Variants in ZMYND8 observed in about 807,000 individuals in gnomAD.
ZMYND8 encodes the protein zinc finger MYND-type containing 8, also known as MYND-type zinc finger-containing chromatin reader ZMYND8.
Under a neutral mutation model 140.8 loss-of-function variants are expected in ZMYND8, and 37 were observed. That is an observed-to-expected ratio of 0.26 (90% CI 0.20 to 0.35). The LOEUF (loss-of-function observed/expected upper bound fraction) is 0.35, where lower values mean the gene tolerates loss of function less well. Among genes scored for constraint, ZMYND8 ranks in the 10% least tolerant of loss-of-function variants. The probability of loss-of-function intolerance (pLI) is 1.00; values close to 1 mark genes in which losing one functional copy is unlikely to be tolerated. For synonymous variants in ZMYND8, 592 were observed against 597.1 expected, an observed-to-expected ratio of 0.99 and a Z score of 0.12; for missense variants, 1,068 against 1,570.0, an observed-to-expected ratio of 0.68 and a Z score of 5.40.
intron 2 of ZMYND8, among the ~76,000 whole-genome samples, chr20:47,331,021 T>C (rs2148447650): frequency 6.6e-6 from 1 of 152,278 alleles, no homozygotes; most frequent in East Asian, 1.9e-4. Flanking sequence ...TTGATGGATC[T>C]GCACAGTCAG....
intron 12 of ZMYND8, among the ~76,000 whole-genome samples, chr20:47,257,622 C>T (rs2074845868): frequency 6.6e-6 from 1 of 152,040 alleles, no homozygotes; most frequent in Non-Finnish European, 1.5e-5. Flanking sequence ...ATACCATATA[C>T]TGTCATACCA....
chr20:47,298,876 C>T lies in ZMYND8; in HGVS notation c.306G>A (p.Pro102=), dbSNP rs773053031. 5.6e-6 allele frequency: 9 copies of T among 1,614,018 alleles called. No homozygotes were observed. Among genetic ancestry groups the T allele is most frequent in the African/African-American group, 5.3e-5 (4 of 74,894 alleles). The change falls in exon 4 of 23, where the codon CCG becomes CCA. Residue 102 remains proline, a synonymous_variant. Coordinates refer to ENST00000471951, the MANE Select transcript of ZMYND8 (RefSeq NM_001281775.3). This position sits in a 1 kb window ranked among gnomAD's most constrained non-coding sequence, Gnocchi z 5.0. ...AGTAGAAATCATTCCGTCCATCCTG[C>T]GGTACAACATCAACAGGGTCTGTGG... The part of the protein sequence containing the change: ...PLTTDPVDVV[P]QDGRNDFYCW...
intron 1 of ZMYND8, chr20:47,352,400 T>A: frequency 1.0e-6 from 1 of 959,328 alleles, no homozygotes; most frequent in Non-Finnish European, 1.2e-6. Flanking sequence ...CTAAGACAGT[T>A]AACATCAAGG....
chr20:47,330,940 A>C (rs1371050302), intron 2 of ZMYND8, among the ~76,000 whole-genome samples: 2 of 152,256 alleles, frequency 1.3e-5, no homozygotes, highest in African/African-American at 4.8e-5. Flanking sequence ...TTTGAGCCTT[A>C]AAATTGATGG....
intron 2 of ZMYND8, among the ~76,000 whole-genome samples, chr20:47,337,128 G>C (rs2081447352): frequency 6.6e-6 from 1 of 152,098 alleles, no homozygotes. Context: ...AAGGCGGGTG[G>C]ATCACCTGAG....
At chr20:47,228,501 C>T (rs192201658) in intron 17 of ZMYND8, among the ~76,000 whole-genome samples, 11 of 152,362 alleles carry the variant, frequency 7.2e-5, no homozygotes, top group Admixed American at 3.3e-4. Flanking sequence ...TTTTCAACCA[C>T]ACACCAATTC....
At chr20:47,221,854 A>G (rs1403234788) in intron 19 of ZMYND8, among the ~76,000 whole-genome samples, 1 of 152,176 alleles carries the variant, frequency 6.6e-6, no homozygotes, top group Admixed American at 6.5e-5. Context: ...TTTAGTAGAG[A>G]CAGGGTTTCA....
chr20:47,244,246 G>A (rs1185350037), intron 14 of ZMYND8, among the ~76,000 whole-genome samples: 1 of 152,200 alleles, frequency 6.6e-6, no homozygotes, highest in African/African-American at 2.4e-5. Context: ...TAGAAGTTAG[G>A]CACAGTCAAG....
At chr20:47,252,037 G>A (rs1473212704) in intron 12 of ZMYND8, among the ~76,000 whole-genome samples, 1 of 152,060 alleles carries the variant, frequency 6.6e-6, no homozygotes, top group East Asian at 1.9e-4. Flanking sequence ...GTTCACGCCT[G>A]TAATCCAGCA....
intron 1 of ZMYND8, among the ~76,000 whole-genome samples, chr20:47,350,634 G>A (rs1169125411): frequency 6.6e-6 from 1 of 152,108 alleles, no homozygotes; most frequent in African/African-American, 2.4e-5. Context: ...AAAAAAAACA[G>A]TCAAATAATT....
intron 3 of ZMYND8, among the ~76,000 whole-genome samples, chr20:47,305,654 T>TCATGATATG (rs1451362469): frequency 3.0e-4 from 45 of 152,256 alleles, no homozygotes; most frequent in African/African-American, 1.1e-3. Context: ...AGCCACTCAT[T>TCATGATATG]CATGATATGC....
At chr20:47,261,020 G>A (rs1326613187) in intron 12 of ZMYND8, among the ~76,000 whole-genome samples, 2 of 151,982 alleles carry the variant, frequency 1.3e-5, no homozygotes, top group African/African-American at 2.4e-5. Flanking sequence ...TTGGGAGTTC[G>A]AGACCAGCCT....
At chr20:47,305,612 G>C (rs1408400532) in intron 3 of ZMYND8, among the ~76,000 whole-genome samples, 1 of 150,840 alleles carries the variant, frequency 6.6e-6, no homozygotes, top group Non-Finnish European at 1.5e-5. Flanking sequence ...CCAGTTTTTA[G>C]GGCAACATGT....
Position 47,298,643 on chromosome 20 carries a change from G to A in ZMYND8, c.453+86C>T. ...GAAATTTCTCTTTTCCATCTATCTGGATTATTTGTAAATTTAAAAATAAAA... is the reference window on the plus strand; with the variant it reads ...GAAATTTCTCTTTTCCATCTATCTGAATTATTTGTAAATTTAAAAATAAAA... On this transcript the variant is annotated intron_variant, in intron 4 of 22. Coordinates refer to ENST00000471951, the MANE Select transcript of ZMYND8 (RefSeq NM_001281775.3). This position sits in a 1 kb window ranked among gnomAD's most constrained non-coding sequence, Gnocchi z 5.0. 1.3e-6 allele frequency: 2 copies of A among 1,537,452 alleles called. No individual in the cohort carries two copies. The highest frequency in any genetic ancestry group is 1.8e-6 in the Non-Finnish European group (2 of 1,139,478).
At chr20:47,242,193 G>GT (rs2040053603) in intron 14 of ZMYND8, among the ~76,000 whole-genome samples, 1 of 152,210 alleles carries the variant, frequency 6.6e-6, no homozygotes, top group African/African-American at 2.4e-5. Flanking sequence ...TTTTCATTCA[G>GT]TAAGCTGTGG....
At chr20:47,342,572 A>G (rs1252767719) in intron 2 of ZMYND8, among the ~76,000 whole-genome samples, 19 of 127,882 alleles carry the variant, frequency 1.5e-4, no homozygotes, top group Admixed American at 4.8e-4. Context: ...AAAGCTGGGC[A>G]CGGAGGCTCA....
intron 2 of ZMYND8, among the ~76,000 whole-genome samples, chr20:47,323,236 C>T (rs540538786): frequency 5.9e-4 from 90 of 152,204 alleles, no homozygotes; most frequent in Non-Finnish European, 1.1e-3. Flanking sequence ...AAACTCATTT[C>T]CCCCAACTTT....
chr20:47,324,582 G>A (rs1453611217), intron 2 of ZMYND8, among the ~76,000 whole-genome samples: 1 of 152,124 alleles, frequency 6.6e-6, no homozygotes, highest in African/African-American at 2.4e-5. Flanking sequence ...CCCTCAAAGA[G>A]CTTACTGTAG....
At chr20:47,220,775 T>C (rs553771089) in intron 20 of ZMYND8, among the ~76,000 whole-genome samples, 173 of 152,334 alleles carry the variant, frequency 1.1e-3, no homozygotes, top group African/African-American at 4.0e-3. Context: ...ATGAAATAGA[T>C]ATACAGTGAC....
Sources: allele counts gnomAD v4.1 joint callset (sites outside exome capture counted in the v4.1 genomes callset), GRCh38; gene constraint gnomAD v4.1.1; non-coding constraint Gnocchi (gnomAD v3.1); transcripts MANE v1.5; gene names NCBI Gene and HGNC (gene_info 2026-07-23, HGNC 2026-07-21).